The following SETBP1 variants were observed in gnomAD, a reference collection of about 807,000 sequenced individuals.
SETBP1 encodes the protein SET binding protein 1.
A neutral mutation model predicts 101.0 loss-of-function variants in SETBP1; 9 were observed. That is an observed-to-expected ratio of 0.09 (90% CI 0.05 to 0.16). The LOEUF (loss-of-function observed/expected upper bound fraction) is 0.16, where lower values mean the gene tolerates loss of function less well. Among genes scored for constraint, SETBP1 ranks in the 10% least tolerant of loss-of-function variants. The pLI is 1.00. For synonymous variants in SETBP1, 818 were observed against 788.5 expected (o/e 1.04, Z -0.63); for missense variants, 1,858 against 2,033.8 (o/e 0.91, Z 1.66).
At chr18:44,717,354 A>G (rs1393051159) in intron 2 of SETBP1, among the ~76,000 whole-genome samples, 2 of 152,234 alleles carry the variant, frequency 1.3e-5, no homozygotes, top group Non-Finnish European at 2.9e-5. Flanking sequence ...AATCTTGAGA[A>G]AGCTGTATAA....
chr18:44,725,381 A>G (rs867837534), intron 2 of SETBP1, among the ~76,000 whole-genome samples: 7 of 152,134 alleles, frequency 4.6e-5, no homozygotes, highest in Middle Eastern at 3.2e-3. Flanking sequence ...TGTCCAAGGA[A>G]TTGTGTAGCA....
At chr18:44,896,228 G>A (rs1034743160) in intron 3 of SETBP1, among the ~76,000 whole-genome samples, 2 of 152,116 alleles carry the variant, frequency 1.3e-5, no homozygotes, top group African/African-American at 4.8e-5. Context: ...TGGCTTGGAG[G>A]TCCACTGTTC....
chr18:44,966,051 G>A (rs2071714186), intron 4 of SETBP1, among the ~76,000 whole-genome samples: 1 of 152,146 alleles, frequency 6.6e-6, no homozygotes, highest in South Asian at 2.1e-4. Flanking sequence ...TCTCCTTACA[G>A]CTCTAACTAA....
At chr18:44,988,802 G>T (rs1332324660) in intron 4 of SETBP1, 1 of 152,156 alleles carries the variant, frequency 6.6e-6, no homozygotes, top group Non-Finnish European at 1.5e-5. Context: ...TATAGTTGCA[G>T]GGGCCAGTAA....
intron 2 of SETBP1, among the ~76,000 whole-genome samples, chr18:44,793,842 T>C (rs376138752): frequency 1.3e-5 from 2 of 152,242 alleles, no homozygotes; most frequent in African/African-American, 4.8e-5. Flanking sequence ...TTCCAGTCTC[T>C]CTTTCTCTCT....
At chr18:45,007,434 A>G (rs2072753594) in intron 4 of SETBP1, among the ~76,000 whole-genome samples, 1 of 151,986 alleles carries the variant, frequency 6.6e-6, no homozygotes, top group African/African-American at 2.4e-5. Flanking sequence ...CACTTTGATT[A>G]TTATTCTCCA....
intron 3 of SETBP1, among the ~76,000 whole-genome samples, chr18:44,915,553 A>AG (rs2070407221): frequency 6.6e-6 from 1 of 152,242 alleles, no homozygotes. Flanking sequence ...CTAACAACTA[A>AG]GGACTCAAAT....
In SETBP1 at chr18:44,827,769, T is replaced by C. The variant is rs79455089; in HGVS notation, c.487-41461T>C. Among the ~76,000 whole-genome samples, 707 of 152,302 alleles carry C rather than the reference T, an allele frequency of 4.6e-3. 5 individuals carry two copies. Among genetic ancestry groups the C allele is most frequent in the African/African-American group, 0.012 (509 of 41,566 alleles). On this transcript the variant is annotated intron_variant, in intron 2 of 5. Coordinates refer to ENST00000649279, the MANE Select transcript of SETBP1 (RefSeq NM_015559.3). ...ATAGTCAAAATATAGTCTCTGAAAA[T>C]GGCACAGGTTTAGTATTGTACACTC...
chr18:44,996,512 A>G (rs1355257690), intron 4 of SETBP1, among the ~76,000 whole-genome samples: 1 of 152,214 alleles, frequency 6.6e-6, no homozygotes, highest in African/African-American at 2.4e-5. Flanking sequence ...ACTGGATTTT[A>G]ACTCTGTCAG....
At chr18:44,712,681 T>C (rs1377416677) in intron 2 of SETBP1, among the ~76,000 whole-genome samples, 1 of 152,078 alleles carries the variant, frequency 6.6e-6, no homozygotes, top group Non-Finnish European at 1.5e-5. Context: ...TTTAGATAAA[T>C]GGCAGGGCAG....
chr18:44,999,163 G>A (rs2072563000), intron 4 of SETBP1, among the ~76,000 whole-genome samples: 1 of 152,058 alleles, frequency 6.6e-6, no homozygotes, highest in Non-Finnish European at 1.5e-5. Flanking sequence ...ACGTATGTGT[G>A]ATTCCAAGTT....
At chr18:45,062,436 C>T (rs1293829373) in intron 5 of SETBP1, among the ~76,000 whole-genome samples, 2 of 152,134 alleles carry the variant, frequency 1.3e-5, no homozygotes, top group Non-Finnish European at 1.5e-5. Flanking sequence ...AAAAGCACAG[C>T]GAGATGATGC....
intron 4 of SETBP1, among the ~76,000 whole-genome samples, chr18:45,019,202 G>A (rs12962548): frequency 0.38 from 57,058 of 151,978 alleles, 11,505 homozygotes; most frequent in East Asian, 0.53. Flanking sequence ...TTTAAAAATG[G>A]TACTTTTAAA....
At chr18:44,738,504 T>C (rs2070022729) in intron 2 of SETBP1, among the ~76,000 whole-genome samples, 1 of 152,236 alleles carries the variant, frequency 6.6e-6, no homozygotes, top group South Asian at 2.1e-4. Context: ...TTGAGCGCTG[T>C]GGCTCACACC....
chr18:45,011,087 G>A (rs1313661929), intron 4 of SETBP1, among the ~76,000 whole-genome samples: 1 of 152,192 alleles, frequency 6.6e-6, no homozygotes, highest in Non-Finnish European at 1.5e-5. Context: ...TAGGATTAAA[G>A]AGTCTACAAT....
At chr18:45,022,770 C>T (rs989924876) in intron 4 of SETBP1, among the ~76,000 whole-genome samples, 2 of 152,100 alleles carry the variant, frequency 1.3e-5, no homozygotes, top group Non-Finnish European at 2.9e-5. Flanking sequence ...GCAGAGGTTG[C>T]AGTGAGCCGA....
At chr18:44,832,769 C>T (rs959480318) in intron 2 of SETBP1, among the ~76,000 whole-genome samples, 3 of 152,174 alleles carry the variant, frequency 2.0e-5, no homozygotes, top group Admixed American at 6.5e-5. Context: ...CCCTGCTGGT[C>T]CCTGAATGAG....
chr18:44,843,244 C>T (rs1273166030), intron 2 of SETBP1, among the ~76,000 whole-genome samples: 2 of 152,214 alleles, frequency 1.3e-5, no homozygotes, highest in African/African-American at 4.8e-5. Flanking sequence ...ACACTGAGGG[C>T]CTGAGGGCCA....
chr18:44,891,257 AATTCAAAATGAG>A (rs1426485076), intron 3 of SETBP1, among the ~76,000 whole-genome samples: 4 of 152,158 alleles, frequency 2.6e-5, no homozygotes, highest in Admixed American at 2.0e-4. Context: ...AACACGTGAG[AATTCAAAATGAG>A]ATTTGGGTGG....
Sources: gnomAD v4.1 joint callset for allele counts (sites outside exome capture counted in the v4.1 genomes callset) on GRCh38, gnomAD v4.1.1 for gene constraint, MANE v1.5 for transcripts, NCBI Gene and HGNC (gene_info 2026-07-23, HGNC 2026-07-21) for gene names.